CRYAB: variants seen among roughly 807,000 people sequenced by gnomAD.
CRYAB encodes crystallin alpha B, also known as alpha-crystallin B chain.
A neutral mutation model predicts 12.7 loss-of-function variants in CRYAB; 9 were observed. The ratio of observed to expected loss-of-function variants is 0.71; its 90% CI spans 0.43 to 1.24. The LOEUF is 1.24. Ranked by LOEUF, CRYAB falls within the 50% of genes most tolerant of loss-of-function variation. The pLI is 0.00. For synonymous variants in CRYAB, 93 were observed against 86.8 expected (o/e 1.07, Z -0.40); for missense variants, 183 against 226.6 (o/e 0.81, Z 1.24).
At chr11:111,918,134 G>A (rs1376944886), upstream of CRYAB, 1 of 152,298 alleles carries the variant, frequency 6.6e-6, no homozygotes, top group African/African-American at 2.4e-5. Context: ...CAAGAATGAT[G>A]GGTTTCACAG....
intron 1 of CRYAB, among the ~76,000 whole-genome samples, chr11:111,920,148 T>C: frequency 6.6e-6 from 1 of 151,818 alleles, no homozygotes; most frequent in East Asian, 1.9e-4. Context: ...TGAGCCGAGA[T>C]TGCACCACTG....
At chr11:111,912,825 C>G, upstream of CRYAB, 5 of 1,597,540 alleles carry the variant, frequency 3.1e-6, no homozygotes, top group Non-Finnish European at 3.4e-6. Context: ...GCTGCATCTG[C>G]AGCCATGTCG....
At chr11:111,916,686 G>A (rs587762561), upstream of CRYAB, among the ~76,000 whole-genome samples, 312 of 152,272 alleles carry the variant, frequency 2.0e-3, 2 homozygotes, top group African/African-American at 7.1e-3. Flanking sequence ...GACTTCAGTG[G>A]AATAATCAAT....
upstream of CRYAB, among the ~76,000 whole-genome samples, chr11:111,916,835 C>T (rs912450571): frequency 2.0e-5 from 3 of 151,470 alleles, no homozygotes; most frequent in Admixed American, 6.6e-5. Flanking sequence ...ATTTCCTTTC[C>T]TTTTCTTTTC....
intron 2 of CRYAB, chr11:111,909,999 G>A: frequency 1.6e-6 from 1 of 610,898 alleles, no homozygotes. Flanking sequence ...AATTGGTCTG[G>A]AGTATGCCCG....
chr11:111,911,967 T>C, upstream of CRYAB: 1 of 528,340 alleles, frequency 1.9e-6, no homozygotes, highest in Non-Finnish European at 3.4e-6. Flanking sequence ...GCCAGTGACT[T>C]GTCATGGTCT....
chr11:111,910,053 C>G lies in CRYAB; in HGVS notation c.324+274G>C, dbSNP rs181971398. 10 of 631,128 alleles carry G rather than the reference C, an allele frequency of 1.6e-5. No individual in the cohort carries two copies. The East Asian group carries it at 2.7e-4, about 17-fold the overall frequency. 39.1% of individuals were successfully genotyped at this position (631,128 alleles called of 1,614,324 possible). A position where few individuals can be genotyped will look rare whatever the true frequency, so the allele number is the denominator to read the frequency against. The stretch of plus-strand genomic sequence containing the variant: ...AGTTCCCCTGGTGATTCTAATGTGG[C>G]CCAGATTCAGAACCACTGGCTTAAA... On this transcript the variant is annotated intron_variant, in intron 2 of 2. Transcript: ENST00000650687.
upstream of CRYAB, among the ~76,000 whole-genome samples, chr11:111,916,076 G>A (rs782585506): frequency 6.6e-6 from 1 of 152,088 alleles, no homozygotes; most frequent in South Asian, 2.1e-4. Flanking sequence ...TGACTTAACC[G>A]TTATAAATTC....
chr11:111,913,935 C>G, upstream of CRYAB: 1 of 1,538,820 alleles, frequency 6.5e-7, no homozygotes, highest in South Asian at 1.2e-5. Flanking sequence ...CTCTCTACCT[C>G]CCAAGGTGAT....
In CRYAB at chr11:111,908,922, T is replaced by C. The variant is rs876657444; in HGVS notation, c.370A>G (p.Ile124Val). The C allele has an allele frequency of 6.2e-7, 1 of 1,614,108 alleles. No homozygotes were observed. Among genetic ancestry groups the C allele is most frequent in the Non-Finnish European group, 8.5e-7 (1 of 1,180,032 alleles). Residue 124 changes from isoleucine (I) to valine (V), a missense_variant, in exon 3 of 3, where the codon ATC becomes GTC. Physicochemically the swap from Ile to Val is conservative, Grantham distance 29 (BLOSUM62 3). Around this residue, in one of 3 missense-constraint regions of CRYAB, gnomAD observed 95 missense variants for 112.5 expected, o/e 0.84. Transcript: ENST00000650687. ...GTGAGAGGGTCTACATCAGCTGGGA[T>C]CCGGTATTTCCTGTGGAACTCCCTG... ...ISREFHRKYR[I>V]PADVDPLTIT...
At position 111,908,672 on chromosome 11, in the gene CRYAB, A is replaced by G. The variant is rs1555165201; in HGVS notation, c.*92T>C. On this transcript the variant is annotated 3_prime_UTR_variant, in exon 3 of 3. Coordinates refer to ENST00000650687, the MANE Select transcript of CRYAB (RefSeq NM_001289808.2). The stretch of plus-strand genomic sequence containing the variant: ...AGCTTGATAATTTGGGCCTGCCCTT[A>G]GCATTAATAAGCTTCAGCACTAGTC... The G allele has an allele frequency of 7.9e-7, 1 of 1,263,104 alleles. No homozygotes were observed. Among genetic ancestry groups the G allele is most frequent in the Non-Finnish European group, 1.2e-6 (1 of 866,788 alleles). 78.2% of individuals were successfully genotyped at this position (1,263,104 alleles called of 1,614,324 possible). A position where few individuals can be genotyped will look rare whatever the true frequency, so the allele number is the denominator to read the frequency against.
chr11:111,922,363 T>C (rs143944146), intron 1 of CRYAB, among the ~76,000 whole-genome samples: 43 of 152,378 alleles, frequency 2.8e-4, no homozygotes, highest in African/African-American at 9.9e-4. Context: ...GGCTTAAAGA[T>C]ATTATGGCAA....
At chr11:111,909,541 C>T (rs533836578) in intron 2 of CRYAB, among the ~76,000 whole-genome samples, 71 of 152,278 alleles carry the variant, frequency 4.7e-4, no homozygotes, top group African/African-American at 1.6e-3. Flanking sequence ...TTTTAAAGCC[C>T]TCTTATAAAG....
At chr11:111,912,678 C>T, upstream of CRYAB, 1 of 515,672 alleles carries the variant, frequency 1.9e-6, no homozygotes, top group Non-Finnish European at 3.5e-6. Flanking sequence ...CACTCCCAGC[C>T]CCTCCCCCCC....
At chr11:111,910,541 T>A in intron 1 of CRYAB, 92 bp from the exon 2 acceptor site, 2 of 1,480,634 alleles carry the variant, frequency 1.4e-6, no homozygotes, top group Middle Eastern at 2.2e-4. Flanking sequence ...AGCTGCTTTC[T>A]GTCCGGGTAA....
upstream of CRYAB, chr11:111,912,648 T>C (rs1965501475): frequency 1.6e-6 from 1 of 609,410 alleles, no homozygotes; most frequent in Non-Finnish European, 2.9e-6. Context: ...CACACCCTCG[T>C]TGCTCTCACT....
At chr11:111,911,974 G>A, upstream of CRYAB, 2 of 502,874 alleles carry the variant, frequency 4.0e-6, no homozygotes, top group Non-Finnish European at 3.6e-6. Context: ...ACTTGTCATG[G>A]TCTTGTTTCA....
intron 2 of CRYAB, chr11:111,909,650 C>A: frequency 5.0e-6 from 1 of 201,636 alleles, no homozygotes; most frequent in Non-Finnish European, 1.0e-5. Context: ...AACAGGCTCT[C>A]GTTAACTGAT....
chr11:111,914,097 G>A (rs587615021), upstream of CRYAB: 2 of 580,086 alleles, frequency 3.4e-6, no homozygotes, highest in African/African-American at 1.9e-5. Context: ...TCAGGGCCTT[G>A]TTTGTACTGC....
Sources: allele counts gnomAD v4.1 joint callset (sites outside exome capture counted in the v4.1 genomes callset), GRCh38; gene constraint gnomAD v4.1.1; regional missense constraint gnomAD v4.1.1; transcripts MANE v1.5; gene names NCBI Gene and HGNC (gene_info 2026-07-23, HGNC 2026-07-21).